The following OPCML variants were observed in gnomAD, a reference collection of about 807,000 sequenced individuals.
OPCML encodes the protein opioid binding protein/cell adhesion molecule like.
Under a neutral mutation model 37.8 loss-of-function variants are expected in OPCML, and 13 were observed. That is an observed-to-expected ratio of 0.34 (90% confidence interval 0.22 to 0.55). The LOEUF is 0.55. OPCML is among the 20% of genes least tolerant of loss of function. OPCML has a pLI of 0.91. For missense variants in OPCML, 341 were observed against 435.6 expected, an observed-to-expected ratio of 0.78 and a Z score of 1.93; for synonymous variants, 176 against 168.8, an observed-to-expected ratio of 1.04 and a Z score of -0.33.
chr11:133,068,509 G>A (rs761670120), intron 1 of OPCML, among the ~76,000 whole-genome samples: 2 of 152,100 alleles, frequency 1.3e-5, no homozygotes, highest in South Asian at 2.1e-4. Context: ...TTCTCTCATC[G>A]CTCCCCTGTT....
In OPCML at chr11:133,458,886, T is replaced by C. The variant is rs527603248; in HGVS notation, c.61+73378A>G. The stretch of plus-strand genomic sequence containing the variant: ...ATATATACACACACATACACACACA[T>C]GTGTGTGTATATATATACACATATA... On this transcript the variant is annotated intron_variant, in intron 1 of 7. Transcript: ENST00000524381. 3.3e-5 allele frequency among the ~76,000 whole-genome samples: 5 copies of C among 149,404 alleles called. No homozygotes were observed. The South Asian group carries it at 6.3e-4, about 19-fold the overall frequency.
intron 2 of OPCML, among the ~76,000 whole-genome samples, chr11:132,832,964 T>C (rs1940785854): frequency 6.6e-6 from 1 of 152,176 alleles, no homozygotes; most frequent in African/African-American, 2.4e-5. Context: ...ACATCTAACA[T>C]GAATGGAGCT....
intron 4 of OPCML, among the ~76,000 whole-genome samples, chr11:132,464,350 A>G (rs1257797738): frequency 6.6e-6 from 1 of 152,174 alleles, no homozygotes; most frequent in East Asian, 1.9e-4. Flanking sequence ...ACCACGTGAC[A>G]TTATACTGTA....
chr11:133,486,767 G>A (rs1947533924), intron 1 of OPCML, among the ~76,000 whole-genome samples: 3 of 151,818 alleles, frequency 2.0e-5, no homozygotes, highest in South Asian at 2.1e-4. Flanking sequence ...CAGAGTATGC[G>A]GCCATTCCTT....
intron 1 of OPCML, among the ~76,000 whole-genome samples, chr11:133,528,767 C>T (rs751913525): frequency 1.3e-5 from 2 of 152,168 alleles, no homozygotes; most frequent in African/African-American, 2.4e-5. Context: ...CACAGATCAG[C>T]GCATGAAGAC....
Position 132,793,279 on chromosome 11 carries a change from G to A in OPCML, c.147-135960C>T, listed in dbSNP as rs73585628. Reference sequence around the variant, plus strand: ...ACCGCCTTAAATCTGAGGGGAGTAGGGACATGCATTGTGCCTTTCTCAAGG... The same window carrying A: ...ACCGCCTTAAATCTGAGGGGAGTAGAGACATGCATTGTGCCTTTCTCAAGG... On this transcript the variant is annotated intron_variant, in intron 2 of 7. Transcript: ENST00000524381. 7.4e-3 allele frequency among the ~76,000 whole-genome samples: 1,125 copies of A among 152,300 alleles called. 8 individuals are homozygous for A. The highest frequency in any genetic ancestry group is 0.023 in the African/African-American group (946 of 41,576).
intron 2 of OPCML, among the ~76,000 whole-genome samples, chr11:132,753,836 A>G (rs1031651999): frequency 1.4e-4 from 21 of 152,140 alleles, no homozygotes; most frequent in African/African-American, 4.8e-4. Flanking sequence ...ACAATGGGGG[A>G]AAATGATCCT....
Position 132,535,011 on chromosome 11 carries a change from C to T in OPCML, c.380-5825G>A, listed in dbSNP as rs952131904. Reference sequence around the variant, plus strand: ...CTTACCTTGGAGATATACACACACACATATATATATATATTTAAATACATT... The same window carrying T: ...CTTACCTTGGAGATATACACACACATATATATATATATATTTAAATACATT... On this transcript the variant is annotated intron_variant, in intron 3 of 7. Coordinates refer to ENST00000524381, the MANE Select transcript of OPCML (RefSeq NM_001012393.5). Among the ~76,000 whole-genome samples the T allele has an allele frequency of 4.7e-5, 7 of 147,556 alleles. No homozygotes were observed. The East Asian group carries it at 5.9e-4, about 12-fold the overall frequency.
chr11:133,358,383 A>C (rs1313225332), intron 1 of OPCML, among the ~76,000 whole-genome samples: 1 of 152,128 alleles, frequency 6.6e-6, no homozygotes, highest in Non-Finnish European at 1.5e-5. Context: ...TCAGCAACCA[A>C]AGCATGCCAT....
chr11:133,051,883 C>A (rs1456315550), intron 1 of OPCML, among the ~76,000 whole-genome samples: 2 of 152,196 alleles, frequency 1.3e-5, no homozygotes, highest in Admixed American at 6.5e-5. Context: ...GTATCAGAAG[C>A]AAATATACCC....
chr11:132,811,167 C>A (rs1162475670), intron 2 of OPCML, among the ~76,000 whole-genome samples: 1 of 152,094 alleles, frequency 6.6e-6, no homozygotes, highest in African/African-American at 2.4e-5. Flanking sequence ...ATTAATTAAC[C>A]AATCAAACTG....
intron 3 of OPCML, among the ~76,000 whole-genome samples, chr11:132,644,017 A>T (rs1941011890): frequency 6.6e-6 from 1 of 152,162 alleles, no homozygotes; most frequent in Admixed American, 6.5e-5. Context: ...TTTAGAAAAC[A>T]CTCTAAGTTC....
At chr11:133,063,031 T>C (rs1012505080) in intron 1 of OPCML, among the ~76,000 whole-genome samples, 1 of 152,338 alleles carries the variant, frequency 6.6e-6, no homozygotes, top group East Asian at 1.9e-4. Context: ...AGCATGGGGC[T>C]TTGGGGTCAT....
At chr11:133,530,093 G>A (rs1948573225) in intron 1 of OPCML, among the ~76,000 whole-genome samples, 1 of 152,200 alleles carries the variant, frequency 6.6e-6, no homozygotes, top group African/African-American at 2.4e-5. Flanking sequence ...GATGGGGGCA[G>A]GGGGGTGGGG....
chr11:132,713,199 C>G (rs1944337579), intron 2 of OPCML, among the ~76,000 whole-genome samples: 2 of 152,134 alleles, frequency 1.3e-5, no homozygotes, highest in Admixed American at 6.5e-5. Context: ...TATAATGACA[C>G]GACGCTTCGT....
At chr11:132,562,397 G>A (rs1373664950) in intron 3 of OPCML, among the ~76,000 whole-genome samples, 1 of 152,030 alleles carries the variant, frequency 6.6e-6, no homozygotes, top group Non-Finnish European at 1.5e-5. Context: ...TGGCATTTGG[G>A]TAGCTTCAAG....
chr11:133,473,674 C>T (rs570403251), intron 1 of OPCML, among the ~76,000 whole-genome samples: 1 of 152,302 alleles, frequency 6.6e-6, no homozygotes, highest in African/African-American at 2.4e-5. Context: ...AGTTCAGTCT[C>T]TTGGGACACA....
At chr11:132,787,971 C>T (rs1947279623) in intron 2 of OPCML, among the ~76,000 whole-genome samples, 1 of 152,210 alleles carries the variant, frequency 6.6e-6, no homozygotes. Context: ...ACCTCCGCCT[C>T]CTGGGTTCAA....
At chr11:132,434,557 A>G (rs924789474) in intron 7 of OPCML, among the ~76,000 whole-genome samples, 1 of 152,170 alleles carries the variant, frequency 6.6e-6, no homozygotes, top group Non-Finnish European at 1.5e-5. Context: ...AGTGGTCTTC[A>G]GTGTTACCCA....
Sources: allele counts gnomAD v4.1 joint callset (sites outside exome capture counted in the v4.1 genomes callset), GRCh38; gene constraint gnomAD v4.1.1; transcripts MANE v1.5; gene names NCBI Gene and HGNC (gene_info 2026-07-23, HGNC 2026-07-21).